Variants in CECR2 observed in about 807,000 individuals in gnomAD.
CECR2 encodes CECR2 histone acetyl-lysine reader.
Under a neutral mutation model 154.5 loss-of-function variants are expected in CECR2, and 30 were observed. The ratio of observed to expected loss-of-function variants is 0.19; its 90% CI spans 0.15 to 0.26. The LOEUF is 0.26. Ranked by LOEUF, CECR2 falls within the 10% of genes least tolerant of loss-of-function variation. The pLI is 1.00. For missense variants in CECR2, 1,743 were observed against 1,829.3 expected (o/e 0.95, Z 0.86); for synonymous variants, 725 against 683.7 (o/e 1.06, Z -0.94).
At chr22:17,431,770 A>ATTTTTTCACAG (rs1555908837) in intron 1 of CECR2, among the ~76,000 whole-genome samples, 1 of 67,896 alleles carries the variant, frequency 1.5e-5, no homozygotes. Context: ...TATCCCTCGT[A>ATTTTTTCACAG]TTTTTTTTTT....
intron 17 of CECR2, among the ~76,000 whole-genome samples, chr22:17,551,114 T>G (rs1430207379): frequency 6.6e-6 from 1 of 152,192 alleles, no homozygotes; most frequent in East Asian, 1.9e-4. Context: ...TTGCTTTGCT[T>G]TTTTTCCTAA....
intron 1 of CECR2, among the ~76,000 whole-genome samples, chr22:17,422,068 G>T (rs1173083822): frequency 1.3e-5 from 2 of 151,664 alleles, no homozygotes; most frequent in Non-Finnish European, 2.9e-5. Flanking sequence ...CAGATATATT[G>T]TAATTCTTAT....
rs561123781 is a variant in CECR2, at chr22:17,407,180, G to A, written c.126+37271G>A. Reference sequence around the variant, plus strand: ...CATAGCCACTTACTGACTTTGAGGAGTTTGTTGTTGTTTTAAGGATCATTC... The same window carrying A: ...CATAGCCACTTACTGACTTTGAGGAATTTGTTGTTGTTTTAAGGATCATTC... On this transcript the variant is annotated intron_variant, in intron 1 of 18. Coordinates refer to ENST00000262608, the MANE Select transcript of CECR2 (RefSeq NM_001290047.2). Among the ~76,000 whole-genome samples the A allele has an allele frequency of 2.0e-5, 3 of 152,320 alleles. No homozygotes were observed. In the East Asian group the frequency reaches 5.8e-4, roughly 29 times the overall value.
chr22:17,415,332 G>T (rs1469192414), intron 1 of CECR2, among the ~76,000 whole-genome samples: 2 of 152,208 alleles, frequency 1.3e-5, no homozygotes, highest in Non-Finnish European at 2.9e-5. Context: ...CCACCTCCCA[G>T]GCTCAAGCCA....
intron 9 of CECR2, among the ~76,000 whole-genome samples, chr22:17,533,984 G>A (rs904205537): frequency 1.3e-5 from 2 of 151,994 alleles, no homozygotes; most frequent in Admixed American, 1.3e-4. Flanking sequence ...AAAGTGCTAG[G>A]ATTACAGATG....
In CECR2 at chr22:17,387,671, T is replaced by C. The variant is rs571062096; in HGVS notation, c.126+17762T>C. Among the ~76,000 whole-genome samples, 280 of 152,308 alleles carry C rather than the reference T, an allele frequency of 1.8e-3. 2 individuals are homozygous for C. The highest frequency in any genetic ancestry group is 6.5e-3 in the African/African-American group (270 of 41,560). On this transcript the variant is annotated intron_variant, in intron 1 of 18. Transcript: ENST00000262608. ...GTAAACACAAGATCGTACTTTTCTA[T>C]ATGCTTCTGAATCCTGTTCTATTCT...
intron 1 of CECR2, among the ~76,000 whole-genome samples, chr22:17,448,992 C>T (rs1288839103): frequency 6.6e-6 from 1 of 152,000 alleles, no homozygotes; most frequent in Admixed American, 6.6e-5. Context: ...GATTCTTTTG[C>T]CTCAGCCTCC....
intron 17 of CECR2, among the ~76,000 whole-genome samples, chr22:17,551,182 G>A (rs1050714270): frequency 6.6e-6 from 1 of 152,126 alleles, no homozygotes; most frequent in Non-Finnish European, 1.5e-5. Context: ...ACTTGAGCAT[G>A]CATCTCCTAA....
chr22:17,535,100 G>T (rs192939632), intron 9 of CECR2, among the ~76,000 whole-genome samples: 2 of 151,788 alleles, frequency 1.3e-5, no homozygotes, highest in African/African-American at 4.8e-5. Flanking sequence ...GCAGTGAGGC[G>T]AGATCGCACC....
At chr22:17,496,000 AC>A (rs1222099709) in intron 2 of CECR2, among the ~76,000 whole-genome samples, 2 of 152,098 alleles carry the variant, frequency 1.3e-5, no homozygotes, top group Admixed American at 1.3e-4. Context: ...ATATAGTGAG[AC>A]CCCATATGGG....
intron 2 of CECR2, among the ~76,000 whole-genome samples, chr22:17,487,784 T>C (rs16982544): frequency 0.17 from 26,522 of 152,188 alleles, 2,391 homozygotes; most frequent in Non-Finnish European, 0.19. Context: ...CAGACTGATT[T>C]GTGCTTCAGT....
rs368541276 is a variant in CECR2 at position 17,549,400 on chromosome 22, A to C, written c.4113A>C (p.Pro1371=). The C allele has an allele frequency of 6.2e-7, 1 of 1,612,940 alleles. No homozygotes were observed. ...RAYSSPVAAL[P]PHHPGATQPN... is the part of the protein sequence containing the mutation. ...ACTCTTCCCCTGTGGCTGCCCTCCC[A>C]CCTCACCACCCAGGGGCCACCCAGC... Residue 1371 remains proline, a synonymous_variant, in exon 17 of 19, where the codon CCA becomes CCC. Transcript: ENST00000262608.
chr22:17,500,804 TCTTTATTTTGC>T lies in CECR2; in HGVS notation c.650+72_650+82del, dbSNP rs1601466946. On this transcript the variant is annotated intron_variant, in intron 5 of 18. Coordinates refer to ENST00000262608, the MANE Select transcript of CECR2 (RefSeq NM_001290047.2). ...GGACCTTAATTCATTTATTCCTTTTTCTTTATTTTGCCTGTGCCATGGGAAGCACATTATTA... is the reference window on the plus strand; with the variant it reads ...GGACCTTAATTCATTTATTCCTTTTTCTGTGCCATGGGAAGCACATTATTA... 8.6e-6 allele frequency: 10 copies of T among 1,156,950 alleles called. No individual in the cohort carries two copies. In the East Asian group the frequency reaches 2.6e-4, roughly 30 times the overall value. The allele number at this position is 1,156,950 out of a possible 1,614,324, so 71.7% of individuals were successfully genotyped here. A position where few individuals can be genotyped will look rare whatever the true frequency, so the allele number is the denominator to read the frequency against.
In CECR2 at chr22:17,540,444, T is replaced by G. The variant is rs767167862; in HGVS notation, c.1528T>G (p.Cys510Gly). The stretch of plus-strand genomic sequence containing the variant: ...CAAGATGTCTGATAATTTAGAGAGG[T>G]GTTTCCATCGGGCAATGATGAAACA... The part of the protein sequence containing the change: ...YTKMSDNLER[C>G]FHRAMMKHFP... The change falls in exon 14 of 19, where the codon TGT (cysteine) becomes GGT (glycine). Residue 510 changes from cysteine (C) to glycine (G), a missense_variant. Around this residue, in one of 4 missense-constraint regions of CECR2, gnomAD observed 103 missense variants for 166.8 expected, o/e 0.62. Coordinates refer to ENST00000262608, the MANE Select transcript of CECR2 (RefSeq NM_001290047.2). 12 of 1,570,188 alleles carry G rather than the reference T, an allele frequency of 7.6e-6. No individual in the cohort carries two copies. The highest frequency in any genetic ancestry group is 1.0e-5 in the Non-Finnish European group (12 of 1,156,624).
intron 1 of CECR2, among the ~76,000 whole-genome samples, chr22:17,416,915 G>A (rs1371459199): frequency 1.3e-5 from 2 of 151,990 alleles, no homozygotes; most frequent in Non-Finnish European, 2.9e-5. Flanking sequence ...GATACCAAAT[G>A]TGCACATTTA....
chr22:17,550,481 C>T (rs1481797729), intron 17 of CECR2: 1 of 153,902 alleles, frequency 6.5e-6, no homozygotes, highest in Non-Finnish European at 1.5e-5. Context: ...AGTTTTACTA[C>T]ATACCTCTCA....
chr22:17,520,279 G>A (rs2056134496), intron 8 of CECR2, among the ~76,000 whole-genome samples: 1 of 152,130 alleles, frequency 6.6e-6, no homozygotes, highest in African/African-American at 2.4e-5. Context: ...AGGTAATTCT[G>A]TAAATAACTT....
At chr22:17,543,039 T>C in intron 16 of CECR2, 36 bp downstream of exon 16, 1 of 1,550,410 alleles carries the variant, frequency 6.4e-7, no homozygotes, top group East Asian at 2.3e-5. Context: ...CTTTAAGCTC[T>C]TGTTTCATGA....
At chr22:17,513,681 C>T (rs2056000646) in intron 8 of CECR2, among the ~76,000 whole-genome samples, 1 of 152,060 alleles carries the variant, frequency 6.6e-6, no homozygotes, top group Non-Finnish European at 1.5e-5. Flanking sequence ...GCCTTTGGTC[C>T]CTGGTATTCA....
Sources: allele counts gnomAD v4.1 joint callset (sites outside exome capture counted in the v4.1 genomes callset), GRCh38; gene constraint gnomAD v4.1.1; regional missense constraint gnomAD v4.1.1; transcripts MANE v1.5; gene names NCBI Gene and HGNC (gene_info 2026-07-23, HGNC 2026-07-21).